The following SEMA5A variants were observed in gnomAD, a reference collection of about 807,000 sequenced individuals.
SEMA5A encodes semaphorin-5A.
Under a neutral mutation model 135.5 loss-of-function variants are expected in SEMA5A, and 55 were observed. That is an observed-to-expected ratio of 0.41 (90% CI 0.33 to 0.51). The LOEUF (loss-of-function observed/expected upper bound fraction) is 0.51. SEMA5A is among the 20% of genes least tolerant of loss of function. The pLI is 0.37. For missense variants in SEMA5A, 1,290 were observed against 1,419.9 expected (o/e 0.91, Z 1.47); for synonymous variants, 580 against 546.5 (o/e 1.06, Z -0.85).
chr5:9,213,280 G>T (rs1746439865), intron 8 of SEMA5A, among the ~76,000 whole-genome samples: 1 of 152,228 alleles, frequency 6.6e-6, no homozygotes, highest in Non-Finnish European at 1.5e-5. Flanking sequence ...TGTCCGTTGA[G>T]TGCTTACTTT....
At chr5:9,489,017 C>A (rs948198368) in intron 1 of SEMA5A, among the ~76,000 whole-genome samples, 1 of 152,148 alleles carries the variant, frequency 6.6e-6, no homozygotes, top group Non-Finnish European at 1.5e-5. Flanking sequence ...AGAGAGAAAT[C>A]ACTTAACATT....
chr5:9,386,208 A>T (rs1755881159), intron 2 of SEMA5A, among the ~76,000 whole-genome samples: 2 of 152,150 alleles, frequency 1.3e-5, no homozygotes, highest in African/African-American at 4.8e-5. Flanking sequence ...CGCCTTCCAG[A>T]CTGAATGCAG....
intron 16 of SEMA5A, among the ~76,000 whole-genome samples, chr5:9,104,984 C>T (rs1739835050): frequency 6.6e-6 from 1 of 152,216 alleles, no homozygotes; most frequent in African/African-American, 2.4e-5. Context: ...AGAAGGAATG[C>T]CAGGGTCACA....
intron 10 of SEMA5A, among the ~76,000 whole-genome samples, chr5:9,192,390 G>A (rs908086571): frequency 3.9e-5 from 6 of 152,202 alleles, no homozygotes; most frequent in African/African-American, 1.2e-4. Context: ...CCTTATAAAT[G>A]CCAAAGAACA....
At chr5:9,053,790 G>A in intron 19 of SEMA5A, 1 of 264,508 alleles carries the variant, frequency 3.8e-6, no homozygotes. Flanking sequence ...TTCCTAATTA[G>A]GGAGATTGGG....
chr5:9,100,243 C>T (rs1739550793), intron 16 of SEMA5A, among the ~76,000 whole-genome samples: 1 of 152,164 alleles, frequency 6.6e-6, no homozygotes, highest in African/African-American at 2.4e-5. Flanking sequence ...CTACTATGGT[C>T]AGGATTTGTT....
intron 1 of SEMA5A, among the ~76,000 whole-genome samples, chr5:9,471,477 A>G (rs1026782805): frequency 6.6e-6 from 1 of 152,232 alleles, no homozygotes; most frequent in African/African-American, 2.4e-5. Context: ...CTACCAATAC[A>G]TAATCCACCA....
At chr5:9,076,868 T>TTGTG (rs70943938) in intron 16 of SEMA5A, among the ~76,000 whole-genome samples, 9,228 of 143,972 alleles carry the variant, frequency 0.064, 329 homozygotes, top group Non-Finnish European at 0.073. Flanking sequence ...ATTACGATCT[T>TTGTG]TGTGTGTGTG....
At chr5:9,443,360 G>A (rs532641823) in intron 1 of SEMA5A, among the ~76,000 whole-genome samples, 1 of 152,104 alleles carries the variant, frequency 6.6e-6, no homozygotes, top group South Asian at 2.1e-4. Context: ...AGGGGAGGAA[G>A]AGCAAAAGAA....
intron 10 of SEMA5A, 113 bp downstream of exon 10, chr5:9,197,055 A>C (rs1745426119): frequency 3.5e-6 from 5 of 1,422,162 alleles, no homozygotes; most frequent in Non-Finnish European, 4.8e-6. Context: ...GGCCAGGGAG[A>C]CAGCTGCATG....
intron 6 of SEMA5A, among the ~76,000 whole-genome samples, chr5:9,230,146 G>C (rs913744152): frequency 2.7e-5 from 4 of 149,048 alleles, no homozygotes; most frequent in African/African-American, 9.9e-5. Context: ...CACCACCCCT[G>C]GCTATTTTTT....
At chr5:9,125,732 T>G (rs1470485324) in intron 13 of SEMA5A, among the ~76,000 whole-genome samples, 1 of 152,134 alleles carries the variant, frequency 6.6e-6, no homozygotes, top group Non-Finnish European at 1.5e-5. Context: ...CATGAGGTTC[T>G]CTGAAGACCG....
chr5:9,211,627 T>A (rs940608208), intron 8 of SEMA5A, among the ~76,000 whole-genome samples: 3 of 152,168 alleles, frequency 2.0e-5, no homozygotes, highest in Non-Finnish European at 2.9e-5. Flanking sequence ...GGAGAAGCAC[T>A]GAGCTCCCCA....
chr5:9,309,346 C>A (rs1436874157), intron 5 of SEMA5A, among the ~76,000 whole-genome samples: 3 of 152,026 alleles, frequency 2.0e-5, no homozygotes, highest in African/African-American at 7.2e-5. Context: ...AGGGGCCGGT[C>A]TTGTTTTCCC....
chr5:9,063,104 C>G lies in SEMA5A; in HGVS notation c.2301G>C (p.Gly767=), dbSNP rs375415916. The G allele has an allele frequency of 4.3e-6, 7 of 1,610,570 alleles. No individual in the cohort carries two copies. The highest frequency in any genetic ancestry group is 2.2e-5 in the East Asian group (1 of 44,736). The change falls in exon 18 of 23, where the codon GGG becomes GGC. Residue 767 remains glycine, a splice_region_variant and synonymous_variant. Coordinates refer to ENST00000382496, the MANE Select transcript of SEMA5A (RefSeq NM_003966.3). ...CAGCACGCAGGAAATCCCCAGAAAG[C>G]CCTGCCAAGGAAACAGGTGAAGTGT... ...SDGTSGCSTD[G]LSGDFLRAGR... is the part of the protein sequence containing the mutation.
intron 2 of SEMA5A, among the ~76,000 whole-genome samples, chr5:9,421,546 G>A (rs180801836): frequency 6.6e-6 from 1 of 152,194 alleles, no homozygotes. Context: ...CATATTCCCA[G>A]GGGTTGTAAT....
At chr5:9,212,527 A>G (rs114680971) in intron 8 of SEMA5A, among the ~76,000 whole-genome samples, 2 of 152,368 alleles carry the variant, frequency 1.3e-5, no homozygotes, top group East Asian at 1.9e-4. Flanking sequence ...GAGAAATGAC[A>G]ATAAATAATG....
chr5:9,347,163 T>C (rs1263463520), intron 3 of SEMA5A, among the ~76,000 whole-genome samples: 2 of 152,212 alleles, frequency 1.3e-5, no homozygotes, highest in African/African-American at 4.8e-5. Flanking sequence ...CATTTTCCTT[T>C]GTAAATATGA....
At chr5:9,055,627 T>C (rs1373472005) in intron 18 of SEMA5A, among the ~76,000 whole-genome samples, 1 of 152,208 alleles carries the variant, frequency 6.6e-6, no homozygotes, top group African/African-American at 2.4e-5. Context: ...ATATCATCTT[T>C]ATGACAATAT....
Sources: gnomAD v4.1 joint callset for allele counts (sites outside exome capture counted in the v4.1 genomes callset) on GRCh38, gnomAD v4.1.1 for gene constraint, MANE v1.5 for transcripts, NCBI Gene and HGNC (gene_info 2026-07-23, HGNC 2026-07-21) for gene names.